Variants in RBM6 observed in about 807,000 individuals in gnomAD.
RBM6 encodes RNA binding motif protein 6.
RBM6 carries 23 observed loss-of-function variants against 140.4 expected under a neutral mutation model. That is an observed-to-expected ratio of 0.16 (90% CI 0.12 to 0.23). RBM6 has a LOEUF of 0.23. RBM6 is among the 10% of genes least tolerant of loss of function. RBM6 has a pLI of 1.00. For missense variants in RBM6, 1,139 were observed against 1,386.7 expected, an observed-to-expected ratio of 0.82 and a Z score of 2.84; for synonymous variants, 439 against 475.6, an observed-to-expected ratio of 0.92 and a Z score of 1.00.
chr3:50,068,885 A>T (rs1338036600), intron 18 of RBM6, 121 bp downstream of exon 18: 10 of 831,254 alleles, frequency 1.2e-5, no homozygotes, highest in Non-Finnish European at 1.9e-5. Flanking sequence ...GCCTCAAAAG[A>T]TAGTGCATAC....
At chr3:50,055,359 G>C (rs2108901998) in intron 8 of RBM6, among the ~76,000 whole-genome samples, 1 of 152,286 alleles carries the variant, frequency 6.6e-6, no homozygotes, top group South Asian at 2.1e-4. Context: ...GAACCCAGGA[G>C]TCAGAGGTTG....
intron 6 of RBM6, among the ~76,000 whole-genome samples, chr3:50,037,095 G>C (rs747088702): frequency 3.3e-5 from 5 of 152,054 alleles, no homozygotes; most frequent in Non-Finnish European, 7.4e-5. Flanking sequence ...TGGGTCAATA[G>C]CTTTCTGCCT....
chr3:49,978,472 A>G (rs1162366364), intron 5 of RBM6, among the ~76,000 whole-genome samples: 1 of 152,134 alleles, frequency 6.6e-6, no homozygotes, highest in Non-Finnish European at 1.5e-5. Context: ...GAGAAGATTA[A>G]CGCCTCTTCG....
chr3:49,959,663 A>G (rs1164532653), intron 1 of RBM6, among the ~76,000 whole-genome samples: 1 of 134,858 alleles, frequency 7.4e-6, no homozygotes, highest in Admixed American at 7.7e-5. Context: ...CTCCGCCTCC[A>G]GGGTTCAAGT....
At chr3:49,997,377 A>G (rs1303683438) in intron 5 of RBM6, among the ~76,000 whole-genome samples, 1 of 152,130 alleles carries the variant, frequency 6.6e-6, no homozygotes, top group Non-Finnish European at 1.5e-5. Flanking sequence ...TTTCTTCCCA[A>G]TGTCTACTTG....
At chr3:50,072,409 C>CAA (rs567722203) in intron 19 of RBM6, among the ~76,000 whole-genome samples, 14 of 120,822 alleles carry the variant, frequency 1.2e-4, no homozygotes, top group South Asian at 2.6e-4. Context: ...GACTCCAAAT[C>CAA]AAAAAAAAAA....
At chr3:49,951,247 C>T (rs749019683) in intron 1 of RBM6, among the ~76,000 whole-genome samples, 2 of 152,200 alleles carry the variant, frequency 1.3e-5, no homozygotes, top group Non-Finnish European at 2.9e-5. Context: ...GGGTCTTGCT[C>T]TGTTGCCCAG....
intron 5 of RBM6, among the ~76,000 whole-genome samples, chr3:49,985,318 T>C (rs1055499110): frequency 3.9e-4 from 59 of 152,226 alleles, no homozygotes; most frequent in Admixed American, 3.1e-3. Flanking sequence ...AAAAACTGTT[T>C]ACAGGATTTA....
chr3:49,965,602 G>A (rs571444852), intron 2 of RBM6, among the ~76,000 whole-genome samples: 73 of 151,864 alleles, frequency 4.8e-4, no homozygotes, highest in African/African-American at 1.6e-3. Flanking sequence ...CCCGGGAGGC[G>A]GAGCTTGCAG....
intron 6 of RBM6, among the ~76,000 whole-genome samples, chr3:50,019,120 C>A (rs1185863070): frequency 6.6e-6 from 1 of 151,976 alleles, no homozygotes; most frequent in Non-Finnish European, 1.5e-5. Flanking sequence ...ACTGCAGCCT[C>A]CGCCTCCCAG....
chr3:50,048,757 C>A (rs1377898207), intron 7 of RBM6, among the ~76,000 whole-genome samples: 1 of 152,100 alleles, frequency 6.6e-6, no homozygotes, highest in Non-Finnish European at 1.5e-5. Context: ...CATTTTACCT[C>A]TATTAAACTC....
intron 4 of RBM6, among the ~76,000 whole-genome samples, chr3:49,975,087 C>T (rs1465073535): frequency 2.0e-5 from 3 of 151,970 alleles, no homozygotes; most frequent in African/African-American, 7.3e-5. Flanking sequence ...AATCCTCTCA[C>T]CTTGGCCTCC....
chr3:50,033,012 A>G (rs186421233), intron 6 of RBM6, among the ~76,000 whole-genome samples: 1 of 151,448 alleles, frequency 6.6e-6, no homozygotes, highest in African/African-American at 2.4e-5. Flanking sequence ...GAAATAGAGA[A>G]GAGACAGGGA....
chr3:50,056,584 G>A (rs999421205), intron 8 of RBM6, among the ~76,000 whole-genome samples: 3 of 152,068 alleles, frequency 2.0e-5, no homozygotes, highest in Admixed American at 6.6e-5. Context: ...GTGAGCCACC[G>A]CTCCCGGCCA....
intron 6 of RBM6, among the ~76,000 whole-genome samples, chr3:50,020,499 G>T (rs960558148): frequency 6.6e-6 from 1 of 152,054 alleles, no homozygotes; most frequent in African/African-American, 2.4e-5. Flanking sequence ...TATGCATTCA[G>T]TGCTATAAAT....
intron 6 of RBM6, among the ~76,000 whole-genome samples, chr3:50,022,440 C>T: frequency 6.6e-6 from 1 of 151,896 alleles, no homozygotes; most frequent in South Asian, 2.1e-4. Context: ...AAGTGATTCT[C>T]CTGCCTCAGC....
chr3:50,075,296 G>A lies in RBM6; in HGVS notation c.3212G>A (p.Gly1071Glu). 6.2e-7 allele frequency: 1 copy of A among 1,614,114 alleles called. No homozygotes were observed. Among genetic ancestry groups the A allele is most frequent in the Non-Finnish European group, 8.5e-7 (1 of 1,179,982 alleles). The stretch of plus-strand genomic sequence containing the variant: ...GGCTGGAGGAAAGGGACAGGCCTGG[G>A]ATATGGCCATCCTGGATTGGCTTCA... ...ATGWRKGTGL[G>E]YGHPGLASSE... is the part of the protein sequence containing the mutation. The change falls in exon 20 of 21, where the codon GGA (glycine) becomes GAA (glutamate). Residue 1071 changes from glycine to glutamate, a missense_variant. Physicochemically the swap from Gly to Glu is moderately conservative, Grantham distance 98. Transcript: ENST00000266022.
intron 1 of RBM6, among the ~76,000 whole-genome samples, chr3:49,951,784 A>G (rs892504680): frequency 5.9e-5 from 9 of 151,704 alleles, no homozygotes; most frequent in African/African-American, 2.2e-4. Flanking sequence ...GTGCAGTGGC[A>G]CAAACTCGGC....
intron 3 of RBM6, among the ~76,000 whole-genome samples, chr3:49,969,110 C>T (rs1043284507): frequency 1.8e-4 from 28 of 151,534 alleles, no homozygotes; most frequent in Admixed American, 1.4e-3. Context: ...CTGCAACCTC[C>T]GCCTCCCAGG....
Sources: allele counts gnomAD v4.1 joint callset (sites outside exome capture counted in the v4.1 genomes callset), GRCh38; gene constraint gnomAD v4.1.1; transcripts MANE v1.5; gene names NCBI Gene and HGNC (gene_info 2026-07-23, HGNC 2026-07-21).